The following GRM5 variants were observed in gnomAD, a reference collection of about 807,000 sequenced individuals.
The protein encoded by GRM5 is glutamate metabotropic receptor 5, also known as metabotropic glutamate receptor 5.
GRM5 carries 19 observed loss-of-function variants against 83.1 expected under a neutral mutation model. The ratio of observed to expected loss-of-function variants is 0.23; its 90% CI spans 0.16 to 0.34. The LOEUF is 0.34. Ranked by LOEUF, GRM5 falls within the 10% of genes least tolerant of loss-of-function variation. The pLI, the probability that GRM5 is intolerant of heterozygous loss-of-function variation, is 1.00. For synonymous variants in GRM5, 675 were observed against 633.6 expected, an observed-to-expected ratio of 1.07 and a Z score of -0.98; for missense variants, 1,160 against 1,588.3, an observed-to-expected ratio of 0.73 and a Z score of 4.58.
At chr11:88,668,017 C>T (rs2135327369) in intron 3 of GRM5, among the ~76,000 whole-genome samples, 1 of 152,034 alleles carries the variant, frequency 6.6e-6, no homozygotes, top group Admixed American at 6.6e-5. Context: ...ACAAGTTATA[C>T]ACTAAAAAGT....
At chr11:88,641,209 T>C (rs961978579) in intron 4 of GRM5, among the ~76,000 whole-genome samples, 1 of 151,914 alleles carries the variant, frequency 6.6e-6, no homozygotes, top group Non-Finnish European at 1.5e-5. Flanking sequence ...TGCCACACTT[T>C]ACAATAGCTA....
chr11:88,686,453 T>G (rs1396826632), intron 3 of GRM5, among the ~76,000 whole-genome samples: 1 of 152,154 alleles, frequency 6.6e-6, no homozygotes, highest in Non-Finnish European at 1.5e-5. Context: ...GGGTTAATGC[T>G]TAAATGAATT....
intron 3 of GRM5, among the ~76,000 whole-genome samples, chr11:88,769,962 C>G (rs760708792): frequency 2.6e-5 from 4 of 151,990 alleles, no homozygotes; most frequent in Non-Finnish European, 4.4e-5. Flanking sequence ...CTGGCACACA[C>G]TACTTCAGTC....
In GRM5 at chr11:88,525,333, TTCCCCATAC is replaced by T. The variant is rs1941843127; in HGVS notation, c.2693_2701del (p.Ser898_Gly900del). 2 of 1,607,842 alleles carry T rather than the reference TTCCCCATAC, an allele frequency of 1.2e-6. No homozygotes were observed. Among genetic ancestry groups the T allele is most frequent in the Non-Finnish European group, 1.7e-6 (2 of 1,174,368 alleles). Reference sequence around the variant, plus strand: ...CCTGCTCATTGTTGCTCTCCCACCATTCCCCATACTCCCTTTGGGGGTGAAACACTCTAT... The same window carrying T: ...CCTGCTCATTGTTGCTCTCCCACCATTCCCTTTGGGGGTGAAACACTCTAT... On this transcript the variant is annotated inframe_deletion, in exon 9 of 10. Transcript: ENST00000305447.
intron 8 of GRM5, among the ~76,000 whole-genome samples, chr11:88,533,750 C>T (rs1173516169): frequency 6.6e-6 from 1 of 152,112 alleles, no homozygotes; most frequent in Non-Finnish European, 1.5e-5. Flanking sequence ...AAATGTTAAT[C>T]CCCAAGACAA....
rs554440032 is a variant in GRM5 at position 88,864,634 on chromosome 11, C to T, written c.662-14479G>A. On this transcript the variant is annotated intron_variant, in intron 2 of 9. Transcript: ENST00000305447. ...AACTGCAAAGAGACAATTTGACTTC[C>T]TTTCTTCTTATGTGAATGCCCTTTC... 2.0e-5 allele frequency among the ~76,000 whole-genome samples: 3 copies of T among 152,124 alleles called. No homozygotes were observed. The South Asian group carries it at 6.2e-4, about 32-fold the overall frequency.
At chr11:88,722,519 T>A (rs2135397025) in intron 3 of GRM5, among the ~76,000 whole-genome samples, 1 of 152,306 alleles carries the variant, frequency 6.6e-6, no homozygotes, top group African/African-American at 2.4e-5. Context: ...TCAGTGCAGC[T>A]GCTCTACTTC....
intron 2 of GRM5, among the ~76,000 whole-genome samples, chr11:89,034,574 A>T (rs1159201185): frequency 1.3e-5 from 2 of 151,854 alleles, no homozygotes; most frequent in African/African-American, 4.8e-5. Flanking sequence ...CACTTTTTTC[A>T]CAGTATCTAC....
chr11:88,905,474 T>G (rs1781181040), intron 2 of GRM5, among the ~76,000 whole-genome samples: 1 of 152,142 alleles, frequency 6.6e-6, no homozygotes, highest in Admixed American at 6.6e-5. Flanking sequence ...CCCGAGTAGC[T>G]GGAATTATGG....
At chr11:88,629,396 C>T (rs1000714899) in intron 4 of GRM5, among the ~76,000 whole-genome samples, 18 of 152,156 alleles carry the variant, frequency 1.2e-4, no homozygotes, top group African/African-American at 4.3e-4. Context: ...TTATTTCTAC[C>T]TATGTATAGT....
At chr11:89,024,429 C>T (rs10430814) in intron 2 of GRM5, among the ~76,000 whole-genome samples, 47,060 of 152,004 alleles carry the variant, frequency 0.31, 8,664 homozygotes, top group Non-Finnish European at 0.4. Context: ...ATCTTCATAG[C>T]AAAAATAATT....
intron 8 of GRM5, among the ~76,000 whole-genome samples, chr11:88,553,257 T>C (rs77230925): frequency 3.9e-4 from 60 of 152,326 alleles, no homozygotes; most frequent in African/African-American, 1.4e-3. Context: ...CATTTTGCTA[T>C]GCTGGCAGGC....
chr11:88,927,004 C>T (rs1432959594), intron 2 of GRM5, among the ~76,000 whole-genome samples: 1 of 152,128 alleles, frequency 6.6e-6, no homozygotes, highest in Non-Finnish European at 1.5e-5. Flanking sequence ...CAGGAAAATG[C>T]TATGACCAAT....
rs7129005 is a variant in GRM5, at chr11:88,770,534, T to G, written c.911+79372A>C. On this transcript the variant is annotated intron_variant, in intron 3 of 9. Transcript: ENST00000305447. ...TGAAGTTGATTCATAGAAAATCAAT[T>G]GAACAAATGTTGCTTTTGGTTAATT... 4.5e-4 allele frequency among the ~76,000 whole-genome samples: 68 copies of G among 152,220 alleles called. 1 individual carries two copies. The highest frequency in any genetic ancestry group is 1.6e-3 in the African/African-American group (65 of 41,572).
chr11:88,559,068 AAGTC>A (rs1002067719), intron 8 of GRM5, among the ~76,000 whole-genome samples: 5 of 152,120 alleles, frequency 3.3e-5, no homozygotes, highest in Admixed American at 1.3e-4. Flanking sequence ...TAATAAAAAT[AAGTC>A]AGTCAGATTT....
intron 2 of GRM5, among the ~76,000 whole-genome samples, chr11:89,040,138 T>C (rs997005208): frequency 6.6e-6 from 1 of 151,704 alleles, no homozygotes; most frequent in African/African-American, 2.4e-5. Context: ...TGCCTGTTTG[T>C]ATAAAAAAAA....
chr11:88,825,028 G>T (rs1943869675), intron 3 of GRM5, among the ~76,000 whole-genome samples: 1 of 152,116 alleles, frequency 6.6e-6, no homozygotes, highest in Non-Finnish European at 1.5e-5. Flanking sequence ...GAGCTCATGT[G>T]AAAACTTCAC....
At chr11:88,616,068 G>A (rs1233248838) in intron 4 of GRM5, among the ~76,000 whole-genome samples, 4 of 151,944 alleles carry the variant, frequency 2.6e-5, no homozygotes, top group African/African-American at 9.7e-5. Flanking sequence ...ACCTTTCTGT[G>A]CCTGAAAAAA....
intron 3 of GRM5, among the ~76,000 whole-genome samples, chr11:88,661,600 G>A (rs1345871705): frequency 6.6e-6 from 1 of 152,080 alleles, no homozygotes; most frequent in Admixed American, 6.6e-5. Context: ...TTCTAATAGT[G>A]GGAGTCTACG....
Sources: gnomAD v4.1 joint callset for allele counts (sites outside exome capture counted in the v4.1 genomes callset) on GRCh38, gnomAD v4.1.1 for gene constraint, MANE v1.5 for transcripts, NCBI Gene and HGNC (gene_info 2026-07-23, HGNC 2026-07-21) for gene names.